The following WWOX variants were observed in gnomAD, a reference collection of about 807,000 sequenced individuals.
The protein encoded by WWOX is WW domain containing oxidoreductase.
A neutral mutation model predicts 46.2 loss-of-function variants in WWOX; 69 were observed. The observed-to-expected ratio is 1.49, with a 90% CI of 1.23 to 1.82. The LOEUF is 1.82. Ranked by LOEUF, WWOX falls within the 40% of genes most tolerant of loss-of-function variation. WWOX has a pLI of 0.00. For missense variants in WWOX, 919 were observed against 542.6 expected (o/e 1.69, Z -6.89); for synonymous variants, 359 against 202.6 (o/e 1.77, Z -6.56).
intron 8 of WWOX, among the ~76,000 whole-genome samples, chr16:79,061,050 T>C (rs1341472804): frequency 2.0e-5 from 3 of 152,172 alleles, no homozygotes; most frequent in African/African-American, 4.8e-5. Context: ...TACACTCACA[T>C]TCATACCACA....
chr16:78,738,565 G>T (rs764411889), intron 8 of WWOX, among the ~76,000 whole-genome samples: 5 of 152,062 alleles, frequency 3.3e-5, no homozygotes, highest in Admixed American at 6.5e-5. Flanking sequence ...TTAGAAGAGT[G>T]CAAGTTTGTT....
chr16:78,439,104 T>A (rs1026233416), intron 8 of WWOX, among the ~76,000 whole-genome samples: 1 of 152,200 alleles, frequency 6.6e-6, no homozygotes, highest in East Asian at 1.9e-4. Flanking sequence ...CAAAGCCCCC[T>A]GTTTGAATGT....
intron 6 of WWOX, among the ~76,000 whole-genome samples, chr16:78,403,313 G>C (rs926808766): frequency 1.1e-4 from 17 of 152,222 alleles, no homozygotes; most frequent in African/African-American, 3.9e-4. Flanking sequence ...AACTCTCTTT[G>C]CATGATGTGA....
intron 5 of WWOX, among the ~76,000 whole-genome samples, chr16:78,290,320 A>C (rs1289616910): frequency 2.3e-5 from 3 of 128,078 alleles, no homozygotes; most frequent in African/African-American, 9.1e-5. Context: ...TTGTAATTAA[A>C]GTTAAGATGC....
chr16:78,547,690 T>C (rs947937448), intron 8 of WWOX, among the ~76,000 whole-genome samples: 3 of 152,206 alleles, frequency 2.0e-5, no homozygotes, highest in South Asian at 2.1e-4. Flanking sequence ...GCCCACTTTC[T>C]GGTTCCTAGA....
intron 8 of WWOX, among the ~76,000 whole-genome samples, chr16:78,977,914 G>T (rs1193617638): frequency 3.3e-5 from 5 of 152,192 alleles, no homozygotes; most frequent in African/African-American, 2.4e-5. Flanking sequence ...CATAATATAA[G>T]ATTAACCATT....
At chr16:78,738,931 G>A (rs925900723) in intron 8 of WWOX, among the ~76,000 whole-genome samples, 2 of 152,088 alleles carry the variant, frequency 1.3e-5, no homozygotes, top group African/African-American at 2.4e-5. Flanking sequence ...TCATTGCTGG[G>A]GTCCCCTAAA....
intron 8 of WWOX, among the ~76,000 whole-genome samples, chr16:79,057,669 AC>A (rs1299892750): frequency 1.3e-5 from 2 of 152,112 alleles, no homozygotes; most frequent in Admixed American, 6.6e-5. Flanking sequence ...AACTGGAGGA[AC>A]TGGCCTACTA....
intron 8 of WWOX, among the ~76,000 whole-genome samples, chr16:78,885,336 A>G (rs1462698113): frequency 6.6e-6 from 1 of 152,142 alleles, no homozygotes; most frequent in Non-Finnish European, 1.5e-5. Flanking sequence ...TTTGGTCAGT[A>G]TAAAATCTTT....
chr16:78,894,379 T>G (rs994383367), intron 8 of WWOX, among the ~76,000 whole-genome samples: 1 of 152,198 alleles, frequency 6.6e-6, no homozygotes, highest in Non-Finnish European at 1.5e-5. Flanking sequence ...AGTATAATAT[T>G]GAACTTCAAA....
rs199726097 is a variant in WWOX at position 78,547,127 on chromosome 16, G to GAAAAAAAAAAAAAAAAAAAAAA, written c.1056+114386_1056+114407dup. Among the ~76,000 whole-genome samples, 7 of 87,504 alleles carry GAAAAAAAAAAAAAAAAAAAAAA rather than the reference G, an allele frequency of 8.0e-5. 1 individual carries two copies. Among genetic ancestry groups the GAAAAAAAAAAAAAAAAAAAAAA allele is most frequent in the African/African-American group, 4.8e-4 (7 of 14,654 alleles). 57.4% of individuals were successfully genotyped at this position (87,504 alleles called of 152,430 possible). A position where few individuals can be genotyped will look rare whatever the true frequency, so the allele number is the denominator to read the frequency against. ...TGGGAGAGTGTGAGACCTTGTCTCA[G>GAAAAAAAAAAAAAAAAAAAAAA]AAAAAAAAAAAAAAAAAAAAAAAAA... is the stretch of plus-strand genomic sequence containing the variant. On this transcript the variant is annotated intron_variant, in intron 8 of 8. Coordinates refer to ENST00000566780, the MANE Select transcript of WWOX (RefSeq NM_016373.4).
chr16:78,662,073 A>C (rs376771000), intron 8 of WWOX, among the ~76,000 whole-genome samples: 1 of 149,754 alleles, frequency 6.7e-6, no homozygotes, highest in Non-Finnish European at 1.5e-5. Context: ...TAGTAGTAGT[A>C]GTGGTGGTGG....
intron 8 of WWOX, among the ~76,000 whole-genome samples, chr16:78,975,076 C>A (rs939444787): frequency 6.6e-6 from 1 of 152,180 alleles, no homozygotes; most frequent in Admixed American, 6.5e-5. Context: ...CCTGCTTTTG[C>A]CTTGTTACTC....
chr16:79,026,811 A>G (rs1485600181), intron 8 of WWOX, among the ~76,000 whole-genome samples: 2 of 115,328 alleles, frequency 1.7e-5, no homozygotes. Context: ...TGGTATTTTT[A>G]ATAGAGACGG....
intron 4 of WWOX, among the ~76,000 whole-genome samples, chr16:78,154,462 A>G (rs8058162): frequency 0.79 from 117,060 of 147,742 alleles, 46,509 homozygotes; most frequent in East Asian, 0.9. Context: ...TTATTTACAC[A>G]GAGTTGCTCC....
intron 8 of WWOX, among the ~76,000 whole-genome samples, chr16:78,725,493 A>G (rs979175668): frequency 2.0e-5 from 3 of 150,492 alleles, no homozygotes; most frequent in Non-Finnish European, 4.4e-5. Flanking sequence ...GATTATAGGC[A>G]TCTGCCACCA....
At chr16:78,459,218 C>T (rs2083895571) in intron 8 of WWOX, among the ~76,000 whole-genome samples, 1 of 152,166 alleles carries the variant, frequency 6.6e-6, no homozygotes, top group Non-Finnish European at 1.5e-5. Context: ...AGAAGCCAAA[C>T]CCAGAAAGGT....
At chr16:78,749,053 T>C (rs1354596982) in intron 8 of WWOX, among the ~76,000 whole-genome samples, 1 of 152,238 alleles carries the variant, frequency 6.6e-6, no homozygotes, top group Non-Finnish European at 1.5e-5. Context: ...TCTAAAATTA[T>C]CAATTGCTGA....
chr16:78,620,423 A>G (rs2046149446), intron 8 of WWOX, among the ~76,000 whole-genome samples: 2 of 152,178 alleles, frequency 1.3e-5, no homozygotes, highest in African/African-American at 4.8e-5. Context: ...GGAAAAAACC[A>G]TGGTGCTTGG....
Sources: allele counts gnomAD v4.1 joint callset (sites outside exome capture counted in the v4.1 genomes callset), GRCh38; gene constraint gnomAD v4.1.1; transcripts MANE v1.5; gene names NCBI Gene and HGNC (gene_info 2026-07-23, HGNC 2026-07-21).